The following KATNAL2 variants were observed in gnomAD, a reference collection of about 807,000 sequenced individuals.
The protein encoded by KATNAL2 is katanin p60 ATPase-containing subunit A-like 2.
A neutral mutation model predicts 76.3 loss-of-function variants in KATNAL2; 52 were observed. The ratio of observed to expected loss-of-function variants is 0.68; its 90% CI spans 0.55 to 0.86. The LOEUF (loss-of-function observed/expected upper bound fraction) is 0.86, where lower values mean the gene tolerates loss of function less well. KATNAL2 is among the 40% of genes least tolerant of loss of function. The pLI is 0.00. For missense variants in KATNAL2, 660 were observed against 668.9 expected (o/e 0.99, Z 0.15); for synonymous variants, 243 against 244.2 (o/e 1.00, Z 0.05).
intron 3 of KATNAL2, among the ~76,000 whole-genome samples, chr18:47,035,782 C>T (rs1180374872): frequency 6.6e-6 from 1 of 152,206 alleles, no homozygotes; most frequent in African/African-American, 2.4e-5. Flanking sequence ...CTTCCATGTT[C>T]GCAGGTTCCA....
At chr18:47,096,132 A>G (rs2063223880) in intron 15 of KATNAL2, among the ~76,000 whole-genome samples, 1 of 151,978 alleles carries the variant, frequency 6.6e-6, no homozygotes, top group African/African-American at 2.4e-5. Context: ...TAGGAGAGGA[A>G]AAGACACACT....
chr18:47,035,650 T>A (rs1406587382), intron 3 of KATNAL2: 3 of 406,812 alleles, frequency 7.4e-6, no homozygotes, highest in Non-Finnish European at 1.4e-5. Context: ...CCCCCATACG[T>A]ACTCATGCCG....
intron 3 of KATNAL2, among the ~76,000 whole-genome samples, chr18:47,039,545 T>C (rs1364612771): frequency 1.3e-5 from 2 of 152,146 alleles, no homozygotes; most frequent in Admixed American, 1.3e-4. Context: ...TTCCTCTGGG[T>C]ATATGCATGT....
intron 8 of KATNAL2, 152 bp downstream of exon 8, chr18:47,059,806 A>C (rs986001062): frequency 1.7e-6 from 1 of 597,648 alleles, no homozygotes; most frequent in Non-Finnish European, 3.0e-6. Flanking sequence ...GCGTCAGAAA[A>C]TGGGTTCTTC....
At chr18:46,959,925 C>A (rs1298894617) in intron 3 of KATNAL2, among the ~76,000 whole-genome samples, 1 of 152,134 alleles carries the variant, frequency 6.6e-6, no homozygotes, top group Non-Finnish European at 1.5e-5. Flanking sequence ...CCAAATACAT[C>A]CTATAAACAT....
rs746126352 is a variant in KATNAL2 at position 47,058,208 on chromosome 18, T to C, written c.333-27T>C. ...CAAATTAAGTGGCTAGAATAATTTC[T>C]TCCAAGGTCTTTGTTCCCTCCCTTA... On this transcript the variant is annotated intron_variant, in intron 6 of 17. Coordinates refer to ENST00000683218, the MANE Select transcript of KATNAL2 (RefSeq NM_001387690.1). 8.3e-6 allele frequency: 12 copies of C among 1,438,650 alleles called. No homozygotes were observed. In the Middle Eastern group the frequency reaches 5.2e-4, roughly 63 times the overall value. 89.1% of individuals were successfully genotyped at this position (1,438,650 alleles called of 1,614,324 possible).
chr18:46,939,311 C>A (rs1322559951), intron 1 of KATNAL2, among the ~76,000 whole-genome samples: 2 of 147,968 alleles, frequency 1.4e-5, no homozygotes, highest in African/African-American at 5.0e-5. Context: ...CCAGCCTGAG[C>A]GGCAGAATGA....
chr18:47,031,301 C>G (rs1305296788), intron 3 of KATNAL2, among the ~76,000 whole-genome samples: 2 of 151,998 alleles, frequency 1.3e-5, no homozygotes, highest in African/African-American at 2.4e-5. Context: ...ACCTTTCAGT[C>G]CGAATGAGGA....
At chr18:47,051,491 C>G (rs2061340623) in intron 4 of KATNAL2, among the ~76,000 whole-genome samples, 1 of 151,740 alleles carries the variant, frequency 6.6e-6, no homozygotes, top group African/African-American at 2.4e-5. Context: ...GTCATTTTCT[C>G]TGAGGGGCAG....
chr18:47,046,205 A>C (rs1043832971), intron 3 of KATNAL2, among the ~76,000 whole-genome samples: 1 of 152,244 alleles, frequency 6.6e-6, no homozygotes. Context: ...GCTCGGCAGG[A>C]AGAAGTCCAA....
chr18:47,093,655 A>G (rs1279084065), intron 15 of KATNAL2, among the ~76,000 whole-genome samples: 2 of 151,882 alleles, frequency 1.3e-5, no homozygotes. Flanking sequence ...TGTCCCAACT[A>G]GCTGGGACTA....
chr18:47,043,820 CA>C (rs10579981), intron 3 of KATNAL2, among the ~76,000 whole-genome samples: 17,877 of 144,540 alleles, frequency 0.12, 1,783 homozygotes, highest in African/African-American at 0.28. Flanking sequence ...TTATTCATTT[CA>C]AAAAAAAAAA....
chr18:47,077,118 G>A (rs2062272412), intron 14 of KATNAL2, among the ~76,000 whole-genome samples: 1 of 152,132 alleles, frequency 6.6e-6, no homozygotes, highest in Admixed American at 6.6e-5. Flanking sequence ...CTCACTGCCT[G>A]CCTTTGGTTT....
At chr18:47,046,664 A>G in intron 4 of KATNAL2, 137 bp downstream of exon 4, 1 of 682,746 alleles carries the variant, frequency 1.5e-6, no homozygotes, top group Non-Finnish European at 2.5e-6. Context: ...AGCAGAAAGT[A>G]CAGAGTTCTG....
At chr18:46,958,910 GTCAT>G (rs1265190393) in intron 3 of KATNAL2, among the ~76,000 whole-genome samples, 1 of 152,174 alleles carries the variant, frequency 6.6e-6, no homozygotes, top group Non-Finnish European at 1.5e-5. Context: ...ATTCTCATGT[GTCAT>G]TATACGTACT....
intron 1 of KATNAL2, among the ~76,000 whole-genome samples, chr18:46,934,470 C>A (rs2059029685): frequency 6.6e-6 from 1 of 152,208 alleles, no homozygotes; most frequent in Non-Finnish European, 1.5e-5. Context: ...CTGTTCATAT[C>A]TTTCGCCCAC....
At chr18:46,953,873 C>A (rs1343084941) in intron 3 of KATNAL2, among the ~76,000 whole-genome samples, 1 of 152,136 alleles carries the variant, frequency 6.6e-6, no homozygotes, top group Non-Finnish European at 1.5e-5. Flanking sequence ...TACCAGGGCC[C>A]TTTTCATTGG....
intron 15 of KATNAL2, among the ~76,000 whole-genome samples, chr18:47,087,967 G>A (rs866114620): frequency 2.3e-4 from 35 of 152,164 alleles, no homozygotes; most frequent in Middle Eastern, 6.8e-3. Flanking sequence ...TTTCTTGAGC[G>A]TTTTTAATCT....
chr18:46,933,314 G>A (rs546009866), intron 1 of KATNAL2, among the ~76,000 whole-genome samples: 3 of 152,238 alleles, frequency 2.0e-5, no homozygotes, highest in African/African-American at 7.2e-5. Context: ...CCAATGCAAA[G>A]GCAAAATTGA....
Sources: allele counts gnomAD v4.1 joint callset (sites outside exome capture counted in the v4.1 genomes callset), GRCh38; gene constraint gnomAD v4.1.1; transcripts MANE v1.5; gene names NCBI Gene and HGNC (gene_info 2026-07-23, HGNC 2026-07-21).